IGSF10: variants seen among roughly 807,000 people sequenced by gnomAD.
The protein encoded by IGSF10 is immunoglobulin superfamily member 10.
IGSF10 carries 126 observed loss-of-function variants against 128.2 expected under a neutral mutation model. The observed-to-expected ratio is 0.98, with a 90% CI of 0.85 to 1.14. IGSF10 has a LOEUF of 1.14. IGSF10 is among the 50% of genes most tolerant of loss of function. The pLI, the probability that IGSF10 is intolerant of heterozygous loss-of-function variation, is 0.00. For missense variants in IGSF10, 3,295 were observed against 3,149.8 expected (o/e 1.05, Z -1.10); for synonymous variants, 1,185 against 1,146.2 (o/e 1.03, Z -0.68).
At chr3:151,570,505 A>T in the IGSF10 span, among the ~76,000 whole-genome samples, 1 of 152,042 alleles carries the variant, frequency 6.6e-6, no homozygotes, top group African/African-American at 2.4e-5. Context: ...GCATTTTTTC[A>T]TGTGTCTGTT....
chr3:151,568,728 T>C, the IGSF10 span, among the ~76,000 whole-genome samples: 1 of 152,306 alleles, frequency 6.6e-6, no homozygotes, highest in Non-Finnish European at 1.5e-5. Context: ...CCTAGCAATT[T>C]TGACTTCCAG....
In IGSF10 at chr3:151,449,096, A is replaced by C; in HGVS notation, c.885T>G (p.Ile295Met). 3.1e-6 allele frequency: 5 copies of C among 1,614,206 alleles called. No individual in the cohort carries two copies. The highest frequency in any genetic ancestry group is 4.2e-6 in the Non-Finnish European group (5 of 1,180,034). Residue 295 changes from isoleucine to methionine, a missense_variant, in exon 6 of 8, where the codon ATT becomes ATG. By Grantham distance (10) the Ile-to-Met change is conservative. Coordinates refer to ENST00000282466, the MANE Select transcript of IGSF10 (RefSeq NM_178822.5). Reference protein sequence around the residue: ...DSSLKSKSLTILEDSSSAFIS... With the variant: ...DSSLKSKSLTMLEDSSSAFIS... ...TGAAAGCAGAACTACTGTCTTCCAG[A>C]ATAGTCAGGCTCTTTGATTTCAGGG...
At chr3:151,567,404 A>C in the IGSF10 span, among the ~76,000 whole-genome samples, 5 of 152,226 alleles carry the variant, frequency 3.3e-5, no homozygotes, top group East Asian at 9.7e-4. Flanking sequence ...AAATTCTGGG[A>C]CTCGTGCTAG....
the IGSF10 span, among the ~76,000 whole-genome samples, chr3:151,559,821 G>A: frequency 6.6e-6 from 1 of 152,258 alleles, no homozygotes; most frequent in East Asian, 1.9e-4. Flanking sequence ...GAGGACACCT[G>A]CTGGAGAAAA....
chr3:151,514,171 C>T, the IGSF10 span, among the ~76,000 whole-genome samples: 2 of 152,034 alleles, frequency 1.3e-5, no homozygotes, highest in East Asian at 1.9e-4. Flanking sequence ...CAAGTCAATC[C>T]TAAGCCAAAA....
intron 7 of IGSF10, chr3:151,440,477 G>A (rs937125): frequency 0.7 from 310,786 of 446,384 alleles, 111,006 homozygotes; most frequent in Middle Eastern, 0.88. Context: ...CTAAAGGAAG[G>A]GAAACTGCCA....
At chr3:151,593,746 G>A in the IGSF10 span, among the ~76,000 whole-genome samples, 1 of 152,084 alleles carries the variant, frequency 6.6e-6, no homozygotes, top group Non-Finnish European at 1.5e-5. Flanking sequence ...GAGTGTTTTG[G>A]CCATTAAATC....
At chr3:151,529,419 C>T in the IGSF10 span, among the ~76,000 whole-genome samples, 2 of 152,200 alleles carry the variant, frequency 1.3e-5, no homozygotes, top group African/African-American at 4.8e-5. Context: ...TGGGAGACAC[C>T]TCCCATTAGG....
chr3:151,549,393 G>T, the IGSF10 span, among the ~76,000 whole-genome samples: 3 of 152,178 alleles, frequency 2.0e-5, no homozygotes, highest in Non-Finnish European at 4.4e-5. Flanking sequence ...CAGTTGTTTA[G>T]CTGCATGGAC....
chr3:151,597,899 A>G, the IGSF10 span, among the ~76,000 whole-genome samples: 1 of 144,016 alleles, frequency 6.9e-6, no homozygotes, highest in South Asian at 2.4e-4. Flanking sequence ...CCTGGGTGAC[A>G]GGAGCAAGAC....
chr3:151,613,350 A>G, the IGSF10 span, among the ~76,000 whole-genome samples: 1 of 152,216 alleles, frequency 6.6e-6, no homozygotes. Flanking sequence ...AACCAAAAAA[A>G]GAGCCCGCAT....
chr3:151,497,957 C>T, the IGSF10 span, among the ~76,000 whole-genome samples: 1 of 152,300 alleles, frequency 6.6e-6, no homozygotes, highest in Non-Finnish European at 1.5e-5. Context: ...TGAGAGTTCA[C>T]TCATGATTTG....
At chr3:151,546,512 T>G in the IGSF10 span, among the ~76,000 whole-genome samples, 1 of 144,944 alleles carries the variant, frequency 6.9e-6, no homozygotes, top group Non-Finnish European at 1.5e-5. Flanking sequence ...CATGCCTGGC[T>G]AATTTTTTTT....
the IGSF10 span, among the ~76,000 whole-genome samples, chr3:151,513,027 C>T: frequency 6.6e-6 from 1 of 152,276 alleles, no homozygotes; most frequent in African/African-American, 2.4e-5. Context: ...CCGAATTCTA[C>T]CAGAGGTACA....
At chr3:151,520,156 T>C in the IGSF10 span, among the ~76,000 whole-genome samples, 1 of 151,832 alleles carries the variant, frequency 6.6e-6, no homozygotes, top group African/African-American at 2.4e-5. Flanking sequence ...TTTTCAGATA[T>C]TCAGGATTTT....
the IGSF10 span, among the ~76,000 whole-genome samples, chr3:151,527,237 C>A: frequency 1.3e-5 from 2 of 152,182 alleles, no homozygotes; most frequent in Non-Finnish European, 2.9e-5. Flanking sequence ...GCTCACCTAA[C>A]CTAATAGGCC....
At position 151,443,727 on chromosome 3, in the gene IGSF10, C is replaced by T; in HGVS notation, c.5220G>A (p.Val1740=). 1.2e-6 allele frequency: 2 copies of T among 1,614,100 alleles called. No individual in the cohort carries two copies. Among genetic ancestry groups the T allele is most frequent in the Non-Finnish European group, 1.7e-6 (2 of 1,180,042 alleles). Reference sequence around the variant, plus strand: ...CCAGGATCCTGGGAGGATAGGAAACCACAGACAAGGTGACATGAAGGTGGT... The same window carrying T: ...CCAGGATCCTGGGAGGATAGGAAACTACAGACAAGGTGACATGAAGGTGGT... ...GTDHLHVTLS[V]VSYPPRILER... Residue 1740 remains valine, a synonymous_variant, in exon 7 of 8, where the codon GTG becomes GTA. Coordinates refer to ENST00000282466, the MANE Select transcript of IGSF10 (RefSeq NM_178822.5).
At chr3:151,554,720 C>T in the IGSF10 span, among the ~76,000 whole-genome samples, 12 of 152,132 alleles carry the variant, frequency 7.9e-5, no homozygotes, top group African/African-American at 1.7e-4. Flanking sequence ...ACTATTGACA[C>T]GGTTGAGACC....
At chr3:151,461,282 C>A (rs1217466490), upstream of IGSF10, 2 of 985,226 alleles carry the variant, frequency 2.0e-6, no homozygotes, top group Non-Finnish European at 2.4e-6. Flanking sequence ...AGTGGCCGCC[C>A]GTTCATTTCC....
Sources: allele counts gnomAD v4.1 joint callset (sites outside exome capture counted in the v4.1 genomes callset), GRCh38; gene constraint gnomAD v4.1.1; transcripts MANE v1.5; gene names NCBI Gene and HGNC (gene_info 2026-07-23, HGNC 2026-07-21).